Variants in ITGAD observed in about 807,000 individuals in gnomAD.
ITGAD encodes integrin subunit alpha D.
ITGAD carries 105 observed loss-of-function variants against 139.0 expected under a neutral mutation model. The ratio of observed to expected loss-of-function variants is 0.76; its 90% CI spans 0.65 to 0.89. The LOEUF (loss-of-function observed/expected upper bound fraction) is 0.89, where lower values mean the gene tolerates loss of function less well. ITGAD is among the 40% of genes least tolerant of loss of function. The pLI is 0.00. For synonymous variants in ITGAD, 569 were observed against 598.3 expected (o/e 0.95, Z 0.71); for missense variants, 1,384 against 1,487.3 (o/e 0.93, Z 1.14).
intron 2 of ITGAD, among the ~76,000 whole-genome samples, chr16:31,395,589 A>C (rs1173538823): frequency 6.6e-6 from 1 of 152,170 alleles, no homozygotes; most frequent in African/African-American, 2.4e-5. Flanking sequence ...GGAAGAGAGC[A>C]GAAGAAAGGT....
chr16:31,408,179 C>T (rs2081588047), intron 9 of ITGAD, among the ~76,000 whole-genome samples: 4 of 152,126 alleles, frequency 2.6e-5, no homozygotes, highest in Admixed American at 2.6e-4. Flanking sequence ...GTCATGTTGG[C>T]CAGGCTGATC....
Position 31,418,330 on chromosome 16 carries a change from C to T in ITGAD, c.2646C>T (p.Ser882=). Residue 882 remains serine (S), a synonymous_variant, in exon 22 of 30, where the codon TCC becomes TCT. Coordinates refer to ENST00000389202, the MANE Select transcript of ITGAD (RefSeq NM_005353.3). ...CCTTCATAGTCACATTCGATGTCTC[C>T]TACAAGGCCACCCTGGGAGACAGGA... ...NGTFIVTFDV[S]YKATLGDRML... 6.2e-7 allele frequency: 1 copy of T among 1,614,092 alleles called. No homozygotes were observed. The highest frequency in any genetic ancestry group is 8.5e-7 in the Non-Finnish European group (1 of 1,179,998).
At position 31,418,375 on chromosome 16, in the gene ITGAD, A is replaced by G. The variant is rs935849321; in HGVS notation, c.2691A>G (p.Ala897=). 6.2e-7 allele frequency: 1 copy of G among 1,613,974 alleles called. No individual in the cohort carries two copies. The highest frequency in any genetic ancestry group is 8.5e-7 in the Non-Finnish European group (1 of 1,179,926). ...ACAGGATGCTTATGAGGGCCAGTGC[A>G]AGCAGGTGGGTCCAGGCCAGGGTAT... ...LGDRMLMRAS[A]SSENNKASSS... Residue 897 remains alanine (A), a synonymous_variant, in exon 22 of 30, where the codon GCA becomes GCG. Transcript: ENST00000389202.
At chr16:31,424,269 TG>T in intron 28 of ITGAD, 66 bp downstream of exon 28, 1 of 1,588,756 alleles carries the variant, frequency 6.3e-7, no homozygotes, top group South Asian at 1.1e-5. Flanking sequence ...TCTGTGGTGC[TG>T]GGTGGGGGGT....
At chr16:31,410,290 G>A in intron 10 of ITGAD, 105 bp from the exon 11 acceptor site, 3 of 1,521,214 alleles carry the variant, frequency 2.0e-6, no homozygotes, top group South Asian at 1.2e-5. Context: ...GGAAGACAGA[G>A]AAGAAAAGCC....
In ITGAD at chr16:31,394,253, G is replaced by A. The variant is rs200483131; in HGVS notation, c.49G>A (p.Gly17Arg). 8.7e-6 allele frequency: 14 copies of A among 1,613,436 alleles called. No homozygotes were observed. The highest frequency in any genetic ancestry group is 4.4e-5 in the South Asian group (4 of 91,036). Residue 17 changes from glycine to arginine, a missense_variant, in exon 2 of 30, where the codon GGA (glycine) becomes AGA (arginine). Transcript: ENST00000389202. ...LLLSVLASYH[G>R]FNLDVEEPTI... is the part of the protein sequence containing the mutation. The stretch of plus-strand genomic sequence containing the variant: ...TTCCTCAGTCCTGGCTTCTTATCAT[G>A]GATTCAACCTGGATGTGGAGGAGCC...
rs1320180397 is a variant in ITGAD at position 31,413,157 on chromosome 16, A to G, written c.1907A>G (p.Tyr636Cys). ...FSPVEVAKAV[Y>C]RCWEEKPSAL... The stretch of plus-strand genomic sequence containing the variant: ...CCTGTGGAGGTGGCCAAGGCTGTGT[A>G]CCGGTGCTGGGAAGAGAAGCCCAGT... Residue 636 changes from tyrosine to cysteine, a missense_variant, in exon 16 of 30, where the codon TAC becomes TGC. Physicochemically the swap from Tyr to Cys is radical, Grantham distance 194. Transcript: ENST00000389202. The G allele has an allele frequency of 6.2e-7, 1 of 1,614,088 alleles. No homozygotes were observed. The highest frequency in any genetic ancestry group is 8.5e-7 in the Non-Finnish European group (1 of 1,180,014).
In ITGAD at chr16:31,403,580, C is replaced by G. The variant is rs1210209797; in HGVS notation, c.639C>G (p.Ser213Arg). 2.5e-6 allele frequency: 4 copies of G among 1,614,084 alleles called. No individual in the cohort carries two copies. The African/African-American group carries it at 4.0e-5, about 16-fold the overall frequency. The change falls in exon 7 of 30, where the codon AGC (serine) becomes AGG (arginine). Residue 213 changes from serine to arginine, a missense_variant. Ser to Arg is a moderately radical substitution (Grantham distance 110, BLOSUM62 -1). Transcript: ENST00000389202. This position sits in a 1 kb window ranked among gnomAD's most constrained non-coding sequence, Gnocchi z 4.4. ...TCCGGACCAGCCCGAGCCAGCAGAG[C>G]CTGGTGGATCCCATCGTCCAACTGA... is the stretch of plus-strand genomic sequence containing the variant. ...TQFRTSPSQQSLVDPIVQLKG... is the reference protein window; with the variant it reads ...TQFRTSPSQQRLVDPIVQLKG...
intron 5 of ITGAD, among the ~76,000 whole-genome samples, chr16:31,400,099 G>A (rs181524215): frequency 2.0e-5 from 3 of 152,342 alleles, no homozygotes; most frequent in Non-Finnish European, 4.4e-5. Flanking sequence ...CCTGAGAGAG[G>A]ATGAGAGGGT....
intron 16 of ITGAD, among the ~76,000 whole-genome samples, chr16:31,413,637 C>T (rs1459897638): frequency 6.6e-6 from 1 of 152,224 alleles, no homozygotes; most frequent in Non-Finnish European, 1.5e-5. Flanking sequence ...GCGTAACCCG[C>T]CTTGCATTTA....
chr16:31,393,686 C>T (rs536029189), intron 1 of ITGAD, among the ~76,000 whole-genome samples: 2 of 152,050 alleles, frequency 1.3e-5, no homozygotes, highest in Non-Finnish European at 2.9e-5. Flanking sequence ...TCTCCCCAGC[C>T]TCCCCCGGGA....
chr16:31,426,214 T>C lies in ITGAD; in HGVS notation c.*86T>C, dbSNP rs1166233499. ...AACTTACATGGAAACAACTTCTGCA[T>C]AGATCTGCACTGGCCTAAGCAACCT... On this transcript the variant is annotated 3_prime_UTR_variant, in exon 30 of 30. Transcript: ENST00000389202. The C allele has an allele frequency of 2.1e-5, 19 of 893,256 alleles. No homozygotes were observed. Among genetic ancestry groups the C allele is most frequent in the African/African-American group, 1.7e-5 (1 of 60,554 alleles). The allele number at this position is 893,256 out of a possible 1,614,324, so 55.3% of individuals were successfully genotyped here. A position where few individuals can be genotyped will look rare whatever the true frequency, so the allele number is the denominator to read the frequency against.
chr16:31,396,248 G>A (rs1422276638), intron 2 of ITGAD, among the ~76,000 whole-genome samples: 1 of 152,170 alleles, frequency 6.6e-6, no homozygotes, highest in African/African-American at 2.4e-5. Context: ...GAGGCGGGTG[G>A]ATCACCTAAG....
intron 18 of ITGAD, 37 bp from the exon 19 acceptor site, chr16:31,416,176 A>C: frequency 6.6e-7 from 1 of 1,521,360 alleles, no homozygotes; most frequent in African/African-American, 1.4e-5. Flanking sequence ...AAAGACTAAG[A>C]TGTCAGATGG....
At position 31,393,394 on chromosome 16, in the gene ITGAD, A is replaced by T. The variant is rs752786427; in HGVS notation, c.31+3A>T. 9 of 1,613,972 alleles carry T rather than the reference A, an allele frequency of 5.6e-6. No homozygotes were observed. The South Asian group carries it at 9.9e-5, about 18-fold the overall frequency. ...CGGCACTGTGCTTCTTCTGAGTGGT[A>T]AGTGGGGCCAGGGTGCTGGGGAGAA... On this transcript the variant is annotated splice_donor_region_variant and intron_variant, in intron 1 of 29. Transcript: ENST00000389202.
intron 1 of ITGAD, among the ~76,000 whole-genome samples, chr16:31,393,669 AC>A (rs1280010626): frequency 5.3e-5 from 8 of 151,974 alleles, no homozygotes. Context: ...GGTGTGGGTG[AC>A]AGAGGTCTCC....
At chr16:31,399,655 A>AG (rs1430585725) in intron 5 of ITGAD, among the ~76,000 whole-genome samples, 1 of 152,136 alleles carries the variant, frequency 6.6e-6, no homozygotes, top group African/African-American at 2.4e-5. Flanking sequence ...CTTAAAAACA[A>AG]GGGGTAAATG....
At chr16:31,400,640 T>G (rs1231221110) in intron 5 of ITGAD, among the ~76,000 whole-genome samples, 2 of 152,356 alleles carry the variant, frequency 1.3e-5, no homozygotes, top group South Asian at 2.1e-4. Flanking sequence ...AGTCTCACTC[T>G]GTCGCCCAGG....
At chr16:31,416,331 TC>T in intron 19 of ITGAD, 45 bp downstream of exon 19, 1 of 1,538,260 alleles carries the variant, frequency 6.5e-7, no homozygotes, top group Non-Finnish European at 8.9e-7. Flanking sequence ...GGCTTCTGAG[TC>T]CCCCATCCTC....
Sources: gnomAD v4.1 joint callset for allele counts (sites outside exome capture counted in the v4.1 genomes callset) on GRCh38, gnomAD v4.1.1 for gene constraint, Gnocchi (gnomAD v3.1) non-coding constraint, MANE v1.5 for transcripts, NCBI Gene and HGNC (gene_info 2026-07-23, HGNC 2026-07-21) for gene names.